SPDYA: variants seen among roughly 807,000 people sequenced by gnomAD.
The protein encoded by SPDYA is speedy protein A.
SPDYA carries 11 observed loss-of-function variants against 36.7 expected under a neutral mutation model. That is an observed-to-expected ratio of 0.30 (90% CI 0.19 to 0.50). The LOEUF (loss-of-function observed/expected upper bound fraction) is 0.50. SPDYA is among the 20% of genes least tolerant of loss of function. The probability of loss-of-function intolerance (pLI) is 0.98; values close to 1 mark genes in which losing one functional copy is unlikely to be tolerated. For missense variants in SPDYA, 287 were observed against 370.9 expected (o/e 0.77, Z 1.86); for synonymous variants, 115 against 118.7 (o/e 0.97, Z 0.20).
chr2:28,850,418 A>G lies in SPDYA; in HGVS notation c.*477A>G. On this transcript the variant is annotated 3_prime_UTR_variant, in exon 8 of 8. Coordinates refer to ENST00000334056, the MANE Select transcript of SPDYA (RefSeq NM_182756.4). Reference sequence around the variant, plus strand: ...GAATGCGATTCTTCTGTTGTAAAAAAATATATGTACTATAAGCTACATAAA... The same window carrying G: ...GAATGCGATTCTTCTGTTGTAAAAAGATATATGTACTATAAGCTACATAAA... 6.5e-7 allele frequency: 1 copy of G among 1,549,216 alleles called. No homozygotes were observed. The highest frequency in any genetic ancestry group is 8.9e-7 in the Non-Finnish European group (1 of 1,127,112).
Position 28,811,092 on chromosome 2 carries a change from C to G in SPDYA, c.-93+145C>G, listed in dbSNP as rs936885437. 6.6e-6 allele frequency: 1 copy of G among 152,424 alleles called. No homozygotes were observed. Among genetic ancestry groups the G allele is most frequent in the Non-Finnish European group, 1.5e-5 (1 of 68,184 alleles). 9.4% of individuals were successfully genotyped at this position (152,424 alleles called of 1,614,324 possible). ...TCCAGCCTCGTCCTCACGCCGCCTCCCGTGGGCGCCCTCAGCTGCCTTCGC... is the reference window on the plus strand; with the variant it reads ...TCCAGCCTCGTCCTCACGCCGCCTCGCGTGGGCGCCCTCAGCTGCCTTCGC... On this transcript the variant is annotated intron_variant, in intron 1 of 7. Transcript: ENST00000334056. This position sits in a 1 kb window ranked among gnomAD's most constrained non-coding sequence, Gnocchi z 4.2.
intron 7 of SPDYA, among the ~76,000 whole-genome samples, chr2:28,842,616 A>G (rs1037046843): frequency 5.3e-5 from 8 of 152,232 alleles, no homozygotes; most frequent in African/African-American, 1.7e-4. Context: ...TAGGTCCTAT[A>G]CAGGAAGGAA....
At position 28,840,359 on chromosome 2, in the gene SPDYA, C is replaced by CT; in HGVS notation, c.743dup (p.Leu248PhefsTer27). 1 of 1,611,262 alleles carries CT rather than the reference C, an allele frequency of 6.2e-7. No individual in the cohort carries two copies. The highest frequency in any genetic ancestry group is 8.5e-7 in the Non-Finnish European group (1 of 1,178,928). On this transcript the variant is annotated frameshift_variant, in exon 7 of 8. Coordinates refer to ENST00000334056, the MANE Select transcript of SPDYA (RefSeq NM_182756.4). LOFTEE classifies it high-confidence loss of function. ...AGACTGGGATTGTCTTCATCATCAT[C>CT]TTTATCCAGTCATACAGCAGGGGTG... is the stretch of plus-strand genomic sequence containing the variant.
At chr2:28,842,160 T>C (rs1420319236) in intron 7 of SPDYA, 1 of 152,150 alleles carries the variant, frequency 6.6e-6, no homozygotes, top group African/African-American at 2.4e-5. Flanking sequence ...AATATTATGG[T>C]CTACTGCCCT....
chr2:28,840,384 G>T lies in SPDYA; in HGVS notation c.765G>T (p.Val255=). Residue 255 remains valine, a synonymous_variant, in exon 7 of 8, where the codon GTG becomes GTT. Coordinates refer to ENST00000334056, the MANE Select transcript of SPDYA (RefSeq NM_182756.4). ...SSSLSSHTAG[V]TEKHSQDSYN... is the part of the protein sequence containing the mutation. ...CTTTATCCAGTCATACAGCAGGGGT[G>T]ACAGAAAAACATTCTCAGGACTCAT... The T allele has an allele frequency of 6.2e-7, 1 of 1,612,486 alleles. No individual in the cohort carries two copies. The highest frequency in any genetic ancestry group is 1.1e-5 in the South Asian group (1 of 90,654).
chr2:28,826,962 T>TTA (rs1668343120), intron 5 of SPDYA, among the ~76,000 whole-genome samples: 1 of 147,726 alleles, frequency 6.8e-6, no homozygotes, highest in Non-Finnish European at 1.5e-5. Flanking sequence ...TTTTTTTTTT[T>TTA]TTTTTTTAAG....
intron 3 of SPDYA, among the ~76,000 whole-genome samples, chr2:28,817,674 G>T (rs1448660465): frequency 6.7e-6 from 1 of 149,932 alleles, no homozygotes; most frequent in African/African-American, 2.5e-5. Flanking sequence ...CCAGGAGTTC[G>T]AGACCAGCCT....
At chr2:28,820,489 G>A (rs1403856377) in intron 4 of SPDYA, among the ~76,000 whole-genome samples, 3 of 152,046 alleles carry the variant, frequency 2.0e-5, no homozygotes, top group Non-Finnish European at 4.4e-5. Context: ...GGGAGGCTGA[G>A]ACAGGAGAAT....
At chr2:28,834,726 A>G (rs1668553381) in intron 6 of SPDYA, among the ~76,000 whole-genome samples, 1 of 152,210 alleles carries the variant, frequency 6.6e-6, no homozygotes, top group Non-Finnish European at 1.5e-5. Flanking sequence ...GAAGGGAGAA[A>G]ATGGAGTGTG....
chr2:28,818,882 A>G (rs1357215528), intron 3 of SPDYA, among the ~76,000 whole-genome samples, 166 bp from the exon 4 acceptor site: 1 of 152,218 alleles, frequency 6.6e-6, no homozygotes, highest in East Asian at 1.9e-4. Flanking sequence ...AGTCTTTGCA[A>G]TGGTAAATAC....
intron 4 of SPDYA, among the ~76,000 whole-genome samples, chr2:28,819,883 TATATATATATATATATATA>T (rs1668112036): frequency 1.6e-5 from 1 of 61,834 alleles, no homozygotes; most frequent in African/African-American, 6.1e-5. Context: ...TATATATATA[TATATATATATATATATATA>T]TTTTATCCTG....
At chr2:28,845,770 C>A (rs1445042446) in intron 7 of SPDYA, among the ~76,000 whole-genome samples, 1 of 152,042 alleles carries the variant, frequency 6.6e-6, no homozygotes, top group Admixed American at 6.5e-5. Flanking sequence ...GTCTCGAACT[C>A]CTGACCTCAG....
chr2:28,815,986 TA>T lies in SPDYA; in HGVS notation c.-18-10del, dbSNP rs776547107. 4.5e-6 allele frequency: 7 copies of T among 1,546,440 alleles called. No homozygotes were observed. The highest frequency in any genetic ancestry group is 6.2e-6 in the Non-Finnish European group (7 of 1,127,340). On this transcript the variant is annotated splice_polypyrimidine_tract_variant and intron_variant, in intron 2 of 7. Coordinates refer to ENST00000334056, the MANE Select transcript of SPDYA (RefSeq NM_182756.4). ...GTGTGTGATGAATAATTGTATGTTT[TA>T]TTTTTACAGGAATATTGGGAAACCA...
intron 2 of SPDYA, among the ~76,000 whole-genome samples, chr2:28,815,020 G>A (rs1362238558): frequency 6.6e-6 from 1 of 152,080 alleles, no homozygotes; most frequent in Admixed American, 6.6e-5. Flanking sequence ...GATGGCTCAA[G>A]CCCATAATTC....
chr2:28,818,947 T>C (rs1188975098), intron 3 of SPDYA, 101 bp from the exon 4 acceptor site: 1 of 919,442 alleles, frequency 1.1e-6, no homozygotes, highest in Non-Finnish European at 1.7e-6. Context: ...ATTTTTGTTT[T>C]ATTTCTAAGC....
At chr2:28,823,268 G>C (rs1465826487) in intron 5 of SPDYA, among the ~76,000 whole-genome samples, 3 of 152,086 alleles carry the variant, frequency 2.0e-5, no homozygotes, top group Admixed American at 6.6e-5. Context: ...TATTCATTGT[G>C]ATCTGTGAAA....
chr2:28,837,050 C>T (rs75779807), intron 6 of SPDYA, among the ~76,000 whole-genome samples: 28 of 152,300 alleles, frequency 1.8e-4, no homozygotes, highest in African/African-American at 6.7e-4. Flanking sequence ...TCTTCACTAT[C>T]TATTACTTGA....
At chr2:28,820,397 C>T (rs1668127264) in intron 4 of SPDYA, among the ~76,000 whole-genome samples, 1 of 151,912 alleles carries the variant, frequency 6.6e-6, no homozygotes, top group Admixed American at 6.6e-5. Flanking sequence ...ACCAGCCTGG[C>T]CAACATGGAG....
At chr2:28,818,479 G>A (rs1383171835) in intron 3 of SPDYA, among the ~76,000 whole-genome samples, 1 of 150,624 alleles carries the variant, frequency 6.6e-6, no homozygotes, top group Non-Finnish European at 1.5e-5. Flanking sequence ...AGAGAAAGGG[G>A]GAATGGAAAA....
Sources: allele counts gnomAD v4.1 joint callset (sites outside exome capture counted in the v4.1 genomes callset), GRCh38; gene constraint gnomAD v4.1.1; non-coding constraint Gnocchi (gnomAD v3.1); transcripts MANE v1.5; gene names NCBI Gene and HGNC (gene_info 2026-07-23, HGNC 2026-07-21).